KCNIP3: variants seen among roughly 807,000 people sequenced by gnomAD.
KCNIP3 encodes calsenilin.
A neutral mutation model predicts 35.0 loss-of-function variants in KCNIP3; 28 were observed. The observed-to-expected ratio is 0.80, with a 90% CI of 0.59 to 1.10. The LOEUF (loss-of-function observed/expected upper bound fraction) is 1.10. Ranked by LOEUF, KCNIP3 falls within the 50% of genes least tolerant of loss-of-function variation. KCNIP3 has a pLI of 0.00. For synonymous variants in KCNIP3, 134 were observed against 133.8 expected (o/e 1.00, Z -0.01); for missense variants, 295 against 338.4 (o/e 0.87, Z 1.01).
chr2:95,367,166 G>A (rs1383012207), intron 2 of KCNIP3, among the ~76,000 whole-genome samples: 2 of 152,004 alleles, frequency 1.3e-5, no homozygotes, highest in Non-Finnish European at 2.9e-5. Context: ...CCAGTTACTC[G>A]GGAGACTGAG....
intron 2 of KCNIP3, chr2:95,368,551 C>A (rs1371547562): frequency 2.6e-5 from 10 of 383,944 alleles, no homozygotes; most frequent in South Asian, 1.3e-4. Context: ...AAGTGGGAGT[C>A]ATAACCATTT....
chr2:95,315,295 G>A (rs1022624285), intron 2 of KCNIP3, among the ~76,000 whole-genome samples: 4 of 152,158 alleles, frequency 2.6e-5, no homozygotes, highest in African/African-American at 4.8e-5. Flanking sequence ...CAGCCTGATC[G>A]GCCCAGGGAG....
chr2:95,358,453 A>T (rs1679711618), intron 2 of KCNIP3, among the ~76,000 whole-genome samples: 1 of 152,224 alleles, frequency 6.6e-6, no homozygotes, highest in South Asian at 2.1e-4. Flanking sequence ...AACATCAAAA[A>T]GTCCTCATGC....
chr2:95,323,817 C>A (rs1376997277), intron 2 of KCNIP3, among the ~76,000 whole-genome samples: 1 of 152,208 alleles, frequency 6.6e-6, no homozygotes, highest in Non-Finnish European at 1.5e-5. Flanking sequence ...CTTGGGGTGG[C>A]AGTGGCCTTG....
At chr2:95,324,244 G>T (rs1475614277) in intron 2 of KCNIP3, among the ~76,000 whole-genome samples, 1 of 152,376 alleles carries the variant, frequency 6.6e-6, no homozygotes, top group East Asian at 1.9e-4. Flanking sequence ...GGGCGCGGTG[G>T]CTCACGCCTG....
chr2:95,337,549 T>A (rs1483629238), intron 2 of KCNIP3, among the ~76,000 whole-genome samples: 1 of 152,256 alleles, frequency 6.6e-6, no homozygotes, highest in African/African-American at 2.4e-5. Context: ...GTTGAGGCTA[T>A]AGCCCTTATT....
intron 2 of KCNIP3, among the ~76,000 whole-genome samples, chr2:95,370,736 G>A (rs892011560): frequency 7.2e-5 from 11 of 152,034 alleles, no homozygotes; most frequent in African/African-American, 2.7e-4. Context: ...TAAGGTTTGT[G>A]GCTATGCTTA....
intron 1 of KCNIP3, among the ~76,000 whole-genome samples, chr2:95,302,865 T>C (rs1294080982): frequency 1.3e-5 from 2 of 152,182 alleles, no homozygotes; most frequent in Admixed American, 1.3e-4. Flanking sequence ...GGGGCCCTGG[T>C]GGCACATACG....
At position 95,322,928 on chromosome 2, in the gene KCNIP3, G is replaced by A. The variant is rs1415476862; in HGVS notation, c.181+12408G>A. 2.0e-5 allele frequency among the ~76,000 whole-genome samples: 3 copies of A among 152,316 alleles called. No individual in the cohort carries two copies. The East Asian group carries it at 5.8e-4, about 29-fold the overall frequency. ...ACTTCCCCAGGGCCTTGCCAATGAGGCAGAGTTCATTAAGAGCCACCGCGA... is the reference window on the plus strand; with the variant it reads ...ACTTCCCCAGGGCCTTGCCAATGAGACAGAGTTCATTAAGAGCCACCGCGA... On this transcript the variant is annotated intron_variant, in intron 2 of 8. Transcript: ENST00000295225.
chr2:95,324,523 G>GATAGATAA (rs1553443488), intron 2 of KCNIP3, among the ~76,000 whole-genome samples: 4 of 145,760 alleles, frequency 2.7e-5, no homozygotes, highest in South Asian at 2.1e-4. Flanking sequence ...AAAATAAATA[G>GATAGATAA]ATAAATAAAT....
intron 2 of KCNIP3, among the ~76,000 whole-genome samples, chr2:95,343,331 T>C (rs1177298499): frequency 1.3e-5 from 2 of 152,132 alleles, no homozygotes; most frequent in South Asian, 2.1e-4. Context: ...TGAAATTCCA[T>C]TCCTGGGCAT....
At chr2:95,321,023 T>C (rs1573487933) in intron 2 of KCNIP3, among the ~76,000 whole-genome samples, 1 of 83,452 alleles carries the variant, frequency 1.2e-5, no homozygotes, top group African/African-American at 5.0e-5. Flanking sequence ...ACCCCCAGCC[T>C]CTCCTCCCCA....
At chr2:95,374,809 G>A in intron 3 of KCNIP3, 39 bp from the exon 4 acceptor site, 1 of 1,604,890 alleles carries the variant, frequency 6.2e-7, no homozygotes. Context: ...CTTGGAGCTG[G>A]GGGTGGCCGA....
intron 2 of KCNIP3, among the ~76,000 whole-genome samples, chr2:95,367,523 C>T (rs1679944843): frequency 6.6e-6 from 1 of 152,128 alleles, no homozygotes; most frequent in South Asian, 2.1e-4. Flanking sequence ...TTTCTTCCAT[C>T]ATTTGAATCC....
intron 1 of KCNIP3, among the ~76,000 whole-genome samples, chr2:95,308,340 G>A (rs1246605487): frequency 4.6e-5 from 7 of 152,186 alleles, no homozygotes; most frequent in African/African-American, 9.7e-5. Flanking sequence ...AGGGTGTGTC[G>A]GAGGAAGGGT....
chr2:95,325,700 T>TAC (rs566770802), intron 2 of KCNIP3, among the ~76,000 whole-genome samples: 9 of 146,898 alleles, frequency 6.1e-5, no homozygotes, highest in African/African-American at 2.0e-4. Context: ...TACACACTCA[T>TAC]ACATACACAC....
chr2:95,309,727 C>T (rs1445198276), intron 1 of KCNIP3, among the ~76,000 whole-genome samples: 3 of 152,168 alleles, frequency 2.0e-5, no homozygotes, highest in African/African-American at 7.2e-5. Flanking sequence ...CCCGGCTGAT[C>T]CACTGCCTCT....
Position 95,369,598 on chromosome 2 carries a change from C to T in KCNIP3, c.182-4698C>T, listed in dbSNP as rs139953322. ...CTTGTTTCCTTCCTGATGTTGGTAG[C>T]TTATGTCTTTTCTCTCTTTTTTTTT... On this transcript the variant is annotated intron_variant, in intron 2 of 8. Transcript: ENST00000295225. 2.7e-4 allele frequency among the ~76,000 whole-genome samples: 41 copies of T among 151,800 alleles called. 1 individual carries two copies. Among genetic ancestry groups the T allele is most frequent in the Non-Finnish European group, 3.1e-4 (21 of 67,916 alleles).
intron 2 of KCNIP3, among the ~76,000 whole-genome samples, chr2:95,362,916 G>T (rs1679835637): frequency 6.6e-6 from 1 of 152,130 alleles, no homozygotes; most frequent in South Asian, 2.1e-4. Context: ...AATCTAGGAG[G>T]TACTGCATTC....
Sources: allele counts gnomAD v4.1 joint callset (sites outside exome capture counted in the v4.1 genomes callset), GRCh38; gene constraint gnomAD v4.1.1; transcripts MANE v1.5; gene names NCBI Gene and HGNC (gene_info 2026-07-23, HGNC 2026-07-21).